MAP7: variants seen among roughly 807,000 people sequenced by gnomAD.
MAP7 encodes the protein ensconsin.
Under a neutral mutation model 94.8 loss-of-function variants are expected in MAP7, and 52 were observed. That is an observed-to-expected ratio of 0.55 (90% confidence interval 0.44 to 0.69). The LOEUF is 0.69. Ranked by LOEUF, MAP7 falls within the 30% of genes least tolerant of loss-of-function variation. MAP7 has a pLI of 0.00. For missense variants in MAP7, 940 were observed against 964.6 expected, an observed-to-expected ratio of 0.97 and a Z score of 0.34; for synonymous variants, 350 against 357.0, an observed-to-expected ratio of 0.98 and a Z score of 0.22.
At chr6:136,408,656 G>C (rs1031481607) in intron 3 of MAP7, among the ~76,000 whole-genome samples, 1 of 151,650 alleles carries the variant, frequency 6.6e-6, no homozygotes, top group Admixed American at 6.6e-5. Context: ...TTTTTAACTT[G>C]AAAACTTTAA....
chr6:136,415,446 T>G (rs1351091720), intron 2 of MAP7, among the ~76,000 whole-genome samples: 1 of 152,146 alleles, frequency 6.6e-6, no homozygotes, highest in Non-Finnish European at 1.5e-5. Context: ...TCATACAAAA[T>G]TTTGAAAAGA....
In MAP7 at chr6:136,500,079, T is replaced by C. The variant is rs114715179; in HGVS notation, c.67+50263A>G. On this transcript the variant is annotated intron_variant, in intron 1 of 17. Coordinates refer to ENST00000354570, the MANE Select transcript of MAP7 (RefSeq NM_003980.6). ...TTCTAGTTCAGACTCCAGCACTTCC[T>C]AGTTGTGTGATTCTGAGCAAGTTAC... 4.5e-3 allele frequency among the ~76,000 whole-genome samples: 684 copies of C among 151,322 alleles called. 14 individuals are homozygous for C. The highest frequency in any genetic ancestry group is 0.016 in the African/African-American group (653 of 40,638).
intron 6 of MAP7, 94 bp from the exon 7 acceptor site, chr6:136,377,962 C>CT: frequency 2.4e-6 from 2 of 839,394 alleles, no homozygotes; most frequent in African/African-American, 1.7e-5. Context: ...TACGCTGGGC[C>CT]TTCACAGGAC....
At chr6:136,495,176 T>C (rs140703013) in intron 1 of MAP7, among the ~76,000 whole-genome samples, 1 of 152,266 alleles carries the variant, frequency 6.6e-6, no homozygotes, top group African/African-American at 2.4e-5. Context: ...AGCTTGAACA[T>C]GTAGAAAATT....
chr6:136,398,983 G>C (rs1783306250), intron 3 of MAP7, among the ~76,000 whole-genome samples: 1 of 152,146 alleles, frequency 6.6e-6, no homozygotes, highest in South Asian at 2.1e-4. Flanking sequence ...TGCTGTATGA[G>C]AGAAAAGAAA....
intron 1 of MAP7, among the ~76,000 whole-genome samples, chr6:136,492,969 T>C (rs1238628273): frequency 6.6e-6 from 1 of 152,020 alleles, no homozygotes; most frequent in Non-Finnish European, 1.5e-5. Flanking sequence ...GAACTAAAAA[T>C]TGTTTTTGGG....
chr6:136,401,229 G>A (rs1489295411), intron 3 of MAP7, among the ~76,000 whole-genome samples: 1 of 152,184 alleles, frequency 6.6e-6, no homozygotes, highest in African/African-American at 2.4e-5. Flanking sequence ...GCACATGCCT[G>A]TAGTCCCAGG....
intron 2 of MAP7, chr6:136,420,556 T>A: frequency 5.2e-6 from 1 of 193,034 alleles, no homozygotes; most frequent in Non-Finnish European, 1.1e-5. Flanking sequence ...ACATCTCTCA[T>A]GCTTCTTCGG....
At chr6:136,456,767 GGAAGAAGAAGAAGAAGAA>G (rs1554259489) in intron 1 of MAP7, among the ~76,000 whole-genome samples, 1 of 60,520 alleles carries the variant, frequency 1.7e-5, no homozygotes, top group African/African-American at 7.3e-5. Flanking sequence ...AGGAGGAGGA[GGAAGAAGAAGAAGAAGAA>G]GAAGAAGAAG....
At chr6:136,425,193 A>C (rs1345982783) in intron 1 of MAP7, among the ~76,000 whole-genome samples, 2 of 152,262 alleles carry the variant, frequency 1.3e-5, no homozygotes, top group African/African-American at 4.8e-5. Context: ...TCAGAACAGC[A>C]TAAAATTTAT....
chr6:136,466,190 TA>T (rs1257442919), intron 1 of MAP7, among the ~76,000 whole-genome samples: 2 of 151,814 alleles, frequency 1.3e-5, no homozygotes, highest in African/African-American at 2.4e-5. Flanking sequence ...CAAAACAAAA[TA>T]AAAAAATAAG....
intron 1 of MAP7, among the ~76,000 whole-genome samples, chr6:136,493,247 C>T (rs985950167): frequency 3.3e-5 from 5 of 151,586 alleles, no homozygotes; most frequent in African/African-American, 4.8e-5. Context: ...CTCAGCCTCC[C>T]GAGTAGCTGG....
At chr6:136,456,560 T>C (rs2128896124) in intron 1 of MAP7, among the ~76,000 whole-genome samples, 1 of 151,842 alleles carries the variant, frequency 6.6e-6, no homozygotes, top group African/African-American at 2.4e-5. Context: ...TGGTCCCAGC[T>C]ACTTGGAAGG....
chr6:136,377,726 TG>T, intron 7 of MAP7, 28 bp downstream of exon 7: 3 of 1,546,628 alleles, frequency 1.9e-6, no homozygotes, highest in Non-Finnish European at 2.7e-6. Flanking sequence ...CTTGACCTCA[TG>T]GGGAAAGTTC....
intron 1 of MAP7, among the ~76,000 whole-genome samples, chr6:136,489,108 G>A (rs906787982): frequency 2.6e-5 from 4 of 151,852 alleles, no homozygotes; most frequent in African/African-American, 9.7e-5. Context: ...TCATCTCCTT[G>A]AAAAACACCG....
intron 1 of MAP7, among the ~76,000 whole-genome samples, chr6:136,533,647 G>C (rs1483616962): frequency 1.3e-5 from 2 of 152,162 alleles, no homozygotes; most frequent in African/African-American, 4.8e-5. Flanking sequence ...CACAGTGCTG[G>C]TATTTGCTTC....
intron 1 of MAP7, among the ~76,000 whole-genome samples, chr6:136,477,955 G>A (rs1811469689): frequency 2.6e-5 from 4 of 152,056 alleles, no homozygotes; most frequent in South Asian, 2.1e-4. Context: ...TAATATCAAG[G>A]ACCTTCTCTG....
intron 1 of MAP7, among the ~76,000 whole-genome samples, chr6:136,475,090 T>A (rs992695182): frequency 5.3e-5 from 8 of 152,208 alleles, no homozygotes; most frequent in African/African-American, 1.9e-4. Flanking sequence ...CTAAGTATGT[T>A]GGCCTTCTGC....
intron 3 of MAP7, among the ~76,000 whole-genome samples, chr6:136,407,661 G>A (rs564586973): frequency 1.4e-3 from 211 of 152,324 alleles, no homozygotes; most frequent in African/African-American, 4.4e-3. Flanking sequence ...GATAGTTGAA[G>A]CTCCAGTTAG....
Sources: gnomAD v4.1 joint callset for allele counts (sites outside exome capture counted in the v4.1 genomes callset) on GRCh38, gnomAD v4.1.1 for gene constraint, MANE v1.5 for transcripts, NCBI Gene and HGNC (gene_info 2026-07-23, HGNC 2026-07-21) for gene names.